SNTG1: variants seen among roughly 807,000 people sequenced by gnomAD.
SNTG1 encodes the protein gamma-1-syntrophin.
SNTG1 carries 39 observed loss-of-function variants against 74.7 expected under a neutral mutation model. The ratio of observed to expected loss-of-function variants is 0.52; its 90% CI spans 0.40 to 0.68. SNTG1 has a LOEUF of 0.68. SNTG1 is among the 30% of genes least tolerant of loss of function. The pLI, the probability that SNTG1 is intolerant of heterozygous loss-of-function variation, is 0.00. For synonymous variants in SNTG1, 254 were observed against 217.1 expected, an observed-to-expected ratio of 1.17 and a Z score of -1.49; for missense variants, 685 against 609.5, an observed-to-expected ratio of 1.12 and a Z score of -1.30.
chr8:50,381,220 T>C (rs2092473624), intron 2 of SNTG1: 1 of 152,152 alleles, frequency 6.6e-6, no homozygotes, highest in Admixed American at 6.5e-5. Context: ...AGGGGCTTTT[T>C]TTTTGCCCCT....
At chr8:50,383,311 G>A (rs2092520291) in intron 2 of SNTG1, among the ~76,000 whole-genome samples, 1 of 152,128 alleles carries the variant, frequency 6.6e-6, no homozygotes, top group Non-Finnish European at 1.5e-5. Flanking sequence ...AAGGCCTTGA[G>A]TAATCTCCTT....
chr8:50,065,400 T>C (rs757428018), intron 1 of SNTG1, among the ~76,000 whole-genome samples: 1 of 152,192 alleles, frequency 6.6e-6, no homozygotes, highest in South Asian at 2.1e-4. Context: ...AATAAAAAGA[T>C]GCATAAATAA....
chr8:50,673,063 T>C (rs1382521924), intron 15 of SNTG1, among the ~76,000 whole-genome samples: 3 of 152,186 alleles, frequency 2.0e-5, no homozygotes, highest in Non-Finnish European at 2.9e-5. Context: ...AGTACCATGC[T>C]GTTTTGGTTA....
chr8:50,331,081 T>C (rs567434514), intron 2 of SNTG1, among the ~76,000 whole-genome samples: 55 of 152,352 alleles, frequency 3.6e-4, no homozygotes, highest in African/African-American at 1.3e-3. Flanking sequence ...TTTTCTAAAA[T>C]ATAAATATGG....
intron 1 of SNTG1, among the ~76,000 whole-genome samples, chr8:50,168,728 G>C (rs1489585370): frequency 1.3e-5 from 2 of 152,066 alleles, no homozygotes; most frequent in African/African-American, 2.4e-5. Context: ...ATACGAGTTG[G>C]AGTTATATTC....
intron 2 of SNTG1, among the ~76,000 whole-genome samples, chr8:50,323,396 T>G (rs2090607882): frequency 6.6e-6 from 1 of 152,162 alleles, no homozygotes; most frequent in Non-Finnish European, 1.5e-5. Flanking sequence ...ATGCTGTGGA[T>G]GATTGTAAAT....
In SNTG1 at chr8:49,968,690, A is replaced by G. The variant is rs149548631; in HGVS notation, c.-103+56459A>G. ...GAGATAGACCCTTATTCTTCCAGAT[A>G]GACCAAAGCTATAGCTGGAAGAATA... On this transcript the variant is annotated intron_variant, in intron 1 of 18. Coordinates refer to ENST00000642720, the MANE Select transcript of SNTG1 (RefSeq NM_018967.5). Among the ~76,000 whole-genome samples, 1,122 of 152,298 alleles carry G rather than the reference A, an allele frequency of 7.4e-3. 19 individuals are homozygous for G. Among genetic ancestry groups the G allele is most frequent in the African/African-American group, 0.025 (1,039 of 41,562 alleles).
intron 2 of SNTG1, among the ~76,000 whole-genome samples, chr8:50,373,177 T>C (rs943041388): frequency 6.6e-6 from 1 of 152,216 alleles, no homozygotes; most frequent in African/African-American, 2.4e-5. Flanking sequence ...TTTTGTAAAG[T>C]TTTAATTTTT....
intron 1 of SNTG1, among the ~76,000 whole-genome samples, chr8:49,977,646 T>C (rs530817697): frequency 9.2e-5 from 14 of 152,300 alleles, no homozygotes; most frequent in Admixed American, 3.9e-4. Flanking sequence ...CTGATGAAGA[T>C]CCTATTTGTG....
intron 13 of SNTG1, among the ~76,000 whole-genome samples, chr8:50,607,939 G>T (rs889623245): frequency 2.0e-5 from 3 of 151,478 alleles, no homozygotes; most frequent in Admixed American, 1.3e-4. Flanking sequence ...TTCTTAATTT[G>T]CCTGTAATTT....
chr8:50,376,750 TATATATAGAGAGAG>T (rs1267905941), intron 2 of SNTG1, among the ~76,000 whole-genome samples: 11 of 102,766 alleles, frequency 1.1e-4, no homozygotes, highest in Admixed American at 2.0e-4. Flanking sequence ...TATATATATA[TATATATAGAGAGAG>T]AGAGAGAGAG....
rs181368221 is a variant in SNTG1, at chr8:50,244,248, C to T, written c.-28+71613C>T. Among the ~76,000 whole-genome samples the T allele has an allele frequency of 5.3e-5, 8 of 152,110 alleles. 1 individual carries two copies. The highest frequency in any genetic ancestry group is 2.0e-4 in the Admixed American group (3 of 15,272). On this transcript the variant is annotated intron_variant, in intron 2 of 18. Transcript: ENST00000642720. ...CACCAAGCCATGAGAAATCCACTCC[C>T]GTGACCCAAATACCTCCCACCAGGT... is the stretch of plus-strand genomic sequence containing the variant.
intron 2 of SNTG1, among the ~76,000 whole-genome samples, chr8:50,294,585 G>A (rs187785983): frequency 2.0e-5 from 3 of 152,264 alleles, no homozygotes; most frequent in Admixed American, 2.0e-4. Flanking sequence ...AGGAAAAGAA[G>A]GAGTCAGTCT....
At chr8:50,560,683 A>C (rs545200813) in intron 12 of SNTG1, among the ~76,000 whole-genome samples, 2 of 152,250 alleles carry the variant, frequency 1.3e-5, no homozygotes, top group East Asian at 3.9e-4. Flanking sequence ...ACACGTGGAC[A>C]CATCGGGGGA....
chr8:50,697,438 T>C (rs2095409072), intron 15 of SNTG1, among the ~76,000 whole-genome samples: 1 of 152,228 alleles, frequency 6.6e-6, no homozygotes, highest in Non-Finnish European at 1.5e-5. Flanking sequence ...TGCCTAATTG[T>C]TCTGGCTAGT....
At chr8:50,001,355 C>G (rs919269026) in intron 1 of SNTG1, among the ~76,000 whole-genome samples, 1 of 152,016 alleles carries the variant, frequency 6.6e-6, no homozygotes, top group African/African-American at 2.4e-5. Context: ...CTTGAGTTTT[C>G]TCAGGACAGC....
At chr8:50,664,578 G>T (rs2095241451) in intron 15 of SNTG1, among the ~76,000 whole-genome samples, 1 of 152,128 alleles carries the variant, frequency 6.6e-6, no homozygotes, top group Non-Finnish European at 1.5e-5. Flanking sequence ...ATGGGAAAAA[G>T]AAGTAGACCC....
intron 9 of SNTG1, among the ~76,000 whole-genome samples, chr8:50,517,271 G>A (rs2094141134): frequency 6.6e-6 from 1 of 152,094 alleles, no homozygotes. Context: ...CACTAAATCT[G>A]CCTTACAAGA....
intron 9 of SNTG1, among the ~76,000 whole-genome samples, chr8:50,511,512 T>G (rs1343404575): frequency 1.3e-5 from 2 of 152,088 alleles, no homozygotes; most frequent in African/African-American, 2.4e-5. Flanking sequence ...GTTGACAGCG[T>G]AGTGTTAAAG....
Sources: allele counts gnomAD v4.1 joint callset (sites outside exome capture counted in the v4.1 genomes callset), GRCh38; gene constraint gnomAD v4.1.1; transcripts MANE v1.5; gene names NCBI Gene and HGNC (gene_info 2026-07-23, HGNC 2026-07-21).